The following RASGRF1 variants were observed in gnomAD, a reference collection of about 807,000 sequenced individuals.
The protein encoded by RASGRF1 is ras-specific guanine nucleotide-releasing factor 1.
A neutral mutation model predicts 138.7 loss-of-function variants in RASGRF1; 40 were observed. That is an observed-to-expected ratio of 0.29 (90% CI 0.22 to 0.38). The LOEUF (loss-of-function observed/expected upper bound fraction) is 0.38. Among genes scored for constraint, RASGRF1 ranks in the 10% least tolerant of loss-of-function variants. The pLI is 1.00. For missense variants in RASGRF1, 1,108 were observed against 1,650.4 expected, an observed-to-expected ratio of 0.67 and a Z score of 5.69; for synonymous variants, 614 against 663.2, an observed-to-expected ratio of 0.93 and a Z score of 1.14.
At chr15:78,996,575 C>T (rs1430966775) in intron 19 of RASGRF1, among the ~76,000 whole-genome samples, 3 of 152,138 alleles carry the variant, frequency 2.0e-5, no homozygotes, top group South Asian at 2.1e-4. Flanking sequence ...GGTGGGCCCA[C>T]GCTCCAAACC....
intron 26 of RASGRF1, among the ~76,000 whole-genome samples, chr15:78,966,008 G>C (rs1444860426): frequency 6.6e-6 from 1 of 152,154 alleles, no homozygotes; most frequent in Non-Finnish European, 1.5e-5. Context: ...GAATAAGGCA[G>C]AGGGAGGAGC....
chr15:79,042,194 G>A (rs1257594856), intron 5 of RASGRF1, among the ~76,000 whole-genome samples: 1 of 152,246 alleles, frequency 6.6e-6, no homozygotes, highest in Non-Finnish European at 1.5e-5. Context: ...AATCTGCCAA[G>A]CTGGAGAGAG....
rs1047550098 is a variant in RASGRF1, at chr15:79,090,693, C to G, written c.-195G>C. The G allele has an allele frequency of 2.8e-6, 2 of 715,990 alleles. No individual in the cohort carries two copies. Among genetic ancestry groups the G allele is most frequent in the African/African-American group, 3.6e-5 (2 of 55,644 alleles). 44.4% of individuals were successfully genotyped at this position (715,990 alleles called of 1,614,324 possible). A position where few individuals can be genotyped will look rare whatever the true frequency, so the allele number is the denominator to read the frequency against. On this transcript the variant is annotated 5_prime_UTR_variant, in exon 1 of 27. Transcript: ENST00000558480. ...TCTTGAATCCAGATATACCATTCCC[C>G]GCTGGAACCTCTTCTCCGCTCCGCA...
At chr15:78,978,209 TCTTTTC>T (rs2055913757) in intron 24 of RASGRF1, among the ~76,000 whole-genome samples, 1 of 116,516 alleles carries the variant, frequency 8.6e-6, no homozygotes. Flanking sequence ...TTTTTCTTTT[TCTTTTC>T]TTTTGTTTTT....
Position 79,070,084 on chromosome 15 carries a change from G to A in RASGRF1, c.277-5558C>T, listed in dbSNP as rs371950710. 1.6e-4 allele frequency among the ~76,000 whole-genome samples: 25 copies of A among 152,174 alleles called. No individual in the cohort carries two copies. In the East Asian group the frequency reaches 2.7e-3, roughly 16 times the overall value. On this transcript the variant is annotated intron_variant, in intron 1 of 26. Transcript: ENST00000558480. Reference sequence around the variant, plus strand: ...CAGCAGGGGCTGGGGAGTAATGTTCGGGGTGCCTTGCTTCTGCCTGGGAAA... The same window carrying A: ...CAGCAGGGGCTGGGGAGTAATGTTCAGGGTGCCTTGCTTCTGCCTGGGAAA...
Position 78,983,915 on chromosome 15 carries a change from G to T in RASGRF1, c.3414+1092C>A, listed in dbSNP as rs1246974103. The stretch of plus-strand genomic sequence containing the variant: ...CCCAATCCCACTGGGTTGTAATGGG[G>T]TGTCCCTGCATGTTCTGTAGTCCTG... On this transcript the variant is annotated intron_variant, in intron 23 of 26. Coordinates refer to ENST00000558480, the MANE Select transcript of RASGRF1 (RefSeq NM_001145648.3). Among the ~76,000 whole-genome samples the T allele has an allele frequency of 3.3e-5, 5 of 152,196 alleles. No homozygotes were observed. The East Asian group carries it at 9.6e-4, about 29-fold the overall frequency.
At chr15:79,003,147 C>G (rs544702692) in intron 15 of RASGRF1, among the ~76,000 whole-genome samples, 3 of 152,252 alleles carry the variant, frequency 2.0e-5, no homozygotes, top group Non-Finnish European at 2.9e-5. Flanking sequence ...GTCCAGCTGT[C>G]CCCGAAACAC....
In RASGRF1 at chr15:79,035,158, T is replaced by G; in HGVS notation, c.931A>C (p.Ile311Leu). 6.2e-7 allele frequency: 1 copy of G among 1,613,678 alleles called. No homozygotes were observed. The highest frequency in any genetic ancestry group is 8.5e-7 in the Non-Finnish European group (1 of 1,179,814). The change falls in exon 6 of 27, where the codon ATC becomes CTC. Residue 311 changes from isoleucine to leucine, a missense_variant. Ile to Leu is a conservative substitution (Grantham distance 5, BLOSUM62 2). Around this residue, in one of 3 missense-constraint regions of RASGRF1, gnomAD observed 169 missense variants for 344.2 expected, o/e 0.49. Transcript: ENST00000558480. ...QIFYQGLKAR[I>L]SSWPTLVLAD... is the part of the protein sequence containing the mutation. ...AGGACCAGCGTGGGCCAGCTGGAGATGCGGGCCTTCAGGCCTTGGTAAAAG... is the reference window on the plus strand; with the variant it reads ...AGGACCAGCGTGGGCCAGCTGGAGAGGCGGGCCTTCAGGCCTTGGTAAAAG...
At chr15:78,995,675 CA>C (rs2056376575) in intron 20 of RASGRF1, 64 bp downstream of exon 20, 1 of 1,570,700 alleles carries the variant, frequency 6.4e-7, no homozygotes, top group Admixed American at 1.7e-5. Flanking sequence ...TGTGATGGGT[CA>C]GGGGTCCTGG....
At chr15:78,967,596 C>T (rs962659910) in intron 26 of RASGRF1, among the ~76,000 whole-genome samples, 2 of 152,002 alleles carry the variant, frequency 1.3e-5, no homozygotes, top group Non-Finnish European at 2.9e-5. Context: ...AAAAATGTGA[C>T]CCTGTAGGAT....
At chr15:78,995,287 T>C (rs2056367137) in intron 20 of RASGRF1, among the ~76,000 whole-genome samples, 1 of 37,460 alleles carries the variant, frequency 2.7e-5, no homozygotes, top group African/African-American at 6.2e-5. Context: ...TTCTTTTTTC[T>C]TTCTTTTTTT....
In RASGRF1 at chr15:79,036,030, A is replaced by G. The variant is rs534547157; in HGVS notation, c.879-820T>C. 2.6e-5 allele frequency among the ~76,000 whole-genome samples: 4 copies of G among 152,086 alleles called. No homozygotes were observed. In the East Asian group the frequency reaches 5.8e-4, roughly 22 times the overall value. On this transcript the variant is annotated intron_variant, in intron 5 of 26. Coordinates refer to ENST00000558480, the MANE Select transcript of RASGRF1 (RefSeq NM_001145648.3). Reference sequence around the variant, plus strand: ...CCACATTTGCCCGGCCTTCCCCCCAACCCGTTTTCCATCCACTGCTCCCCA... The same window carrying G: ...CCACATTTGCCCGGCCTTCCCCCCAGCCCGTTTTCCATCCACTGCTCCCCA...
At chr15:79,013,527 A>G (rs2056832096) in intron 13 of RASGRF1, among the ~76,000 whole-genome samples, 1 of 152,228 alleles carries the variant, frequency 6.6e-6, no homozygotes, top group South Asian at 2.1e-4. Flanking sequence ...AACGCATTAC[A>G]TCTGCAGTTC....
At chr15:79,037,850 CT>C (rs1305529975) in intron 5 of RASGRF1, among the ~76,000 whole-genome samples, 2 of 151,856 alleles carry the variant, frequency 1.3e-5, no homozygotes, top group Non-Finnish European at 2.9e-5. Context: ...GCTTGTTTTC[CT>C]GCAACTAGAT....
intron 1 of RASGRF1, among the ~76,000 whole-genome samples, chr15:79,066,419 A>G (rs1016879167): frequency 6.6e-6 from 1 of 152,250 alleles, no homozygotes; most frequent in Non-Finnish European, 1.5e-5. Context: ...GCCTGTAGGT[A>G]GGTGAGACTC....
chr15:79,038,728 C>T (rs1335411317), intron 5 of RASGRF1, among the ~76,000 whole-genome samples: 1 of 152,084 alleles, frequency 6.6e-6, no homozygotes, highest in Non-Finnish European at 1.5e-5. Context: ...TGGTGTTATT[C>T]TGAAGTTTTT....
intron 1 of RASGRF1, among the ~76,000 whole-genome samples, chr15:79,089,216 A>C (rs2058020254): frequency 6.6e-6 from 1 of 152,224 alleles, no homozygotes; most frequent in African/African-American, 2.4e-5. Context: ...GGCAATCACC[A>C]GCCGTTAGGC....
At chr15:79,081,191 A>T (rs982496711) in intron 1 of RASGRF1, among the ~76,000 whole-genome samples, 1 of 152,190 alleles carries the variant, frequency 6.6e-6, no homozygotes, top group African/African-American at 2.4e-5. Context: ...CCCAGAGGGC[A>T]TGGGGCAGAG....
intron 1 of RASGRF1, among the ~76,000 whole-genome samples, chr15:79,065,147 A>T (rs1045081116): frequency 6.6e-6 from 1 of 152,228 alleles, no homozygotes; most frequent in Non-Finnish European, 1.5e-5. Context: ...TCCTAGAAGA[A>T]TGCTTGGCAC....
Sources: allele counts gnomAD v4.1 joint callset (sites outside exome capture counted in the v4.1 genomes callset), GRCh38; gene constraint gnomAD v4.1.1; regional missense constraint gnomAD v4.1.1; transcripts MANE v1.5; gene names NCBI Gene and HGNC (gene_info 2026-07-23, HGNC 2026-07-21).